Variants in MEGF8 observed in about 807,000 individuals in gnomAD.
MEGF8 encodes the protein multiple epidermal growth factor-like domains protein 8.
Under a neutral mutation model 302.9 loss-of-function variants are expected in MEGF8, and 156 were observed. The ratio of observed to expected loss-of-function variants is 0.52; its 90% CI spans 0.45 to 0.59. The LOEUF (loss-of-function observed/expected upper bound fraction) is 0.59. MEGF8 is among the 20% of genes least tolerant of loss of function. The probability of loss-of-function intolerance (pLI) is 0.00; values close to 1 mark genes in which losing one functional copy is unlikely to be tolerated. For missense variants in MEGF8, 3,345 were observed against 3,964.5 expected, an observed-to-expected ratio of 0.84 and a Z score of 4.20; for synonymous variants, 1,621 against 1,660.5, an observed-to-expected ratio of 0.98 and a Z score of 0.58.
chr19:42,376,193 C>T lies in MEGF8; in HGVS notation c.7956C>T (p.Phe2652=), dbSNP rs1267509321. The T allele has an allele frequency of 6.2e-7, 1 of 1,607,218 alleles. No homozygotes were observed. Among genetic ancestry groups the T allele is most frequent in the Non-Finnish European group, 8.5e-7 (1 of 1,177,056 alleles). The change falls in exon 42 of 42, where the codon TTC becomes TTT. Residue 2652 remains phenylalanine, a synonymous_variant. Transcript: ENST00000251268. The surrounding 1 kb of genome is among the most constrained non-coding windows in gnomAD (Gnocchi z 8.2). ...CCCACATTGACCTGTTTGTCTTCTTCTCCGTCTTCTTCTCCTGCTTCTTCC... is the reference window on the plus strand; with the variant it reads ...CCCACATTGACCTGTTTGTCTTCTTTTCCGTCTTCTTCTCCTGCTTCTTCC... ...DQAHIDLFVF[F]SVFFSCFFLF...
chr19:42,326,357 G>A lies in MEGF8; in HGVS notation c.114G>A (p.Arg38=). 4.4e-6 allele frequency: 7 copies of A among 1,587,296 alleles called. No homozygotes were observed. The highest frequency in any genetic ancestry group is 6.0e-6 in the Non-Finnish European group (7 of 1,169,942). Residue 38 remains arginine, a synonymous_variant, in exon 1 of 42, where the codon CGG becomes CGA. Coordinates refer to ENST00000251268, the MANE Select transcript of MEGF8 (RefSeq NM_001271938.2). The part of the protein sequence containing the change: ...GDCKGQRQVL[R]EAPGFVTDGA... ...GCAAGGGGCAGCGGCAGGTGCTGCG[G>A]GAGGCGCCAGGCTTCGTGACGGATG...
rs759524232 is a variant in MEGF8 at position 42,362,394 on chromosome 19, C to T, written c.5855C>T (p.Pro1952Leu). ...LQPGDGEAST[P>L]RCKWCTNCPE... ...GTCTTCCCTCACCAGGCGTCCACCC[C>T]CCGCTGTAAGTGGTGTACCAACTGC... The change falls in exon 34 of 42, where the codon CCC becomes CTC. Residue 1952 changes from proline to leucine, a missense_variant. Pro to Leu is a moderately conservative substitution (Grantham distance 98). Coordinates refer to ENST00000251268, the MANE Select transcript of MEGF8 (RefSeq NM_001271938.2). The T allele has an allele frequency of 2.5e-6, 4 of 1,613,904 alleles. No individual in the cohort carries two copies. Among genetic ancestry groups the T allele is most frequent in the South Asian group, 2.2e-5 (2 of 91,078 alleles).
Position 42,356,059 on chromosome 19 carries a change from C to A in MEGF8, c.4393-24C>A. 1 of 1,593,198 alleles carries A rather than the reference C, an allele frequency of 6.3e-7. No individual in the cohort carries two copies. ...GGACAGGGCTGGTGATCAGGGCTCC[C>A]CTGAGTCCCTTGTCATCCCCCAGAG... On this transcript the variant is annotated intron_variant, in intron 24 of 41. Coordinates refer to ENST00000251268, the MANE Select transcript of MEGF8 (RefSeq NM_001271938.2). This position sits in a 1 kb window ranked among gnomAD's most constrained non-coding sequence, Gnocchi z 5.2.
rs762140115 is a variant in MEGF8, at chr19:42,344,400, C to G, written c.1789-41C>G. Reference sequence around the variant, plus strand: ...GCCCTTCCTTCCCAGATCTCTTGAGCTCCAGTTGACAGTGAGCCCTTTCCC... The same window carrying G: ...GCCCTTCCTTCCCAGATCTCTTGAGGTCCAGTTGACAGTGAGCCCTTTCCC... On this transcript the variant is annotated intron_variant, in intron 10 of 41. Transcript: ENST00000251268. This position sits in a 1 kb window ranked among gnomAD's most constrained non-coding sequence, Gnocchi z 4.5. 1 of 1,538,494 alleles carries G rather than the reference C, an allele frequency of 6.5e-7. No homozygotes were observed. The highest frequency in any genetic ancestry group is 1.2e-5 in the South Asian group (1 of 83,144).
At chr19:42,331,092 T>C (rs1434165890) in intron 1 of MEGF8, among the ~76,000 whole-genome samples, 1 of 152,144 alleles carries the variant, frequency 6.6e-6, no homozygotes, top group East Asian at 1.9e-4. Flanking sequence ...TCAGTGGTTC[T>C]GGTGAGACAG....
rs1304383396 is a variant in MEGF8, at chr19:42,357,115, T to A, written c.4830+134T>A. 3.9e-6 allele frequency: 4 copies of A among 1,015,804 alleles called. No individual in the cohort carries two copies. In the East Asian group the frequency reaches 7.8e-5, roughly 20 times the overall value. The allele number at this position is 1,015,804 out of a possible 1,614,324, so 62.9% of individuals were successfully genotyped here. On this transcript the variant is annotated intron_variant, in intron 27 of 41. Transcript: ENST00000251268. This position sits in a 1 kb window ranked among gnomAD's most constrained non-coding sequence, Gnocchi z 5.2. The stretch of plus-strand genomic sequence containing the variant: ...CTTGAATTTCCTCGGCCATCCTGGG[T>A]CACACTGTTGTCCTGAGCCAGTCCT...
Position 42,358,173 on chromosome 19 carries a change from G to T in MEGF8, c.5041G>T (p.Glu1681Ter). The T allele has an allele frequency of 6.3e-7, 1 of 1,597,954 alleles. No individual in the cohort carries two copies. The highest frequency in any genetic ancestry group is 8.5e-7 in the Non-Finnish European group (1 of 1,173,106). ...CTATGGTCACTCTGCTGTCTACCAC[G>T]AGGCCACCGACTCCCTCTACGTGTT... ...GLYGHSAVYH[E>*]ATDSLYVFGG... is the part of the protein sequence containing the mutation. Residue 1681 changes from glutamate to a stop codon, truncating the protein, a stop_gained, in exon 29 of 42, where the codon GAG (glutamate) becomes TAG (stop). Transcript: ENST00000251268. LOFTEE classifies it high-confidence loss of function. The surrounding 1 kb of genome is among the most constrained non-coding windows in gnomAD (Gnocchi z 4.4).
At position 42,352,945 on chromosome 19, in the gene MEGF8, G is replaced by T. The variant is rs750565790; in HGVS notation, c.3368G>T (p.Gly1123Val). ...CCCCTCAGGTGCTTGGAGGACTGTG[G>T]CCATGGTGTGTGCAGTGGCCCCCCG... is the stretch of plus-strand genomic sequence containing the variant. ...HCNRTCLEDC[G>V]HGVCSGPPDF... Residue 1123 changes from glycine (G) to valine (V), a missense_variant, in exon 20 of 42, where the codon GGC becomes GTC. By Grantham distance (109) the Gly-to-Val change is moderately radical (BLOSUM62 -3). Coordinates refer to ENST00000251268, the MANE Select transcript of MEGF8 (RefSeq NM_001271938.2). This position sits in a 1 kb window ranked among gnomAD's most constrained non-coding sequence, Gnocchi z 4.4. The T allele has an allele frequency of 6.3e-7, 1 of 1,599,830 alleles. No individual in the cohort carries two copies. Among genetic ancestry groups the T allele is most frequent in the Non-Finnish European group, 8.5e-7 (1 of 1,174,022 alleles).
chr19:42,372,463 G>A (rs906275111), intron 41 of MEGF8, among the ~76,000 whole-genome samples: 12 of 151,914 alleles, frequency 7.9e-5, no homozygotes, highest in African/African-American at 2.7e-4. Context: ...GACAACTCCC[G>A]CCACCTCCCC....
intron 9 of MEGF8, 37 bp from the exon 10 acceptor site, chr19:42,343,917 C>T: frequency 6.2e-7 from 1 of 1,602,724 alleles, no homozygotes; most frequent in African/African-American, 1.3e-5. Context: ...CTCCTCCGTC[C>T]CCTTGCCTCC....
In MEGF8 at chr19:42,358,264, C is replaced by T. The variant is rs773945286; in HGVS notation, c.5132C>T (p.Pro1711Leu). ...CCCGAGCTCTACTCCCTGCACTGTC[C>T]TGACCGCACCTGGAGTCTGCTGGCC... ...PSPELYSLHC[P>L]DRTWSLLAPS... Residue 1711 changes from proline (P) to leucine (L), a missense_variant, in exon 29 of 42, where the codon CCT becomes CTT. By Grantham distance (98) the Pro-to-Leu change is moderately conservative (BLOSUM62 -3). Transcript: ENST00000251268. The surrounding 1 kb of genome is among the most constrained non-coding windows in gnomAD (Gnocchi z 4.4). 3 of 1,605,398 alleles carry T rather than the reference C, an allele frequency of 1.9e-6. No individual in the cohort carries two copies. The highest frequency in any genetic ancestry group is 2.7e-5 in the African/African-American group (2 of 74,744).
intron 39 of MEGF8, 149 bp from the exon 40 acceptor site, chr19:42,370,552 C>T: frequency 1.1e-6 from 1 of 945,686 alleles, no homozygotes. Context: ...GGAGCTGGGG[C>T]CTGGACTCCT....
chr19:42,350,046 T>C (rs1211026533), intron 14 of MEGF8, 102 bp from the exon 15 acceptor site: 5 of 919,926 alleles, frequency 5.4e-6, no homozygotes, highest in Non-Finnish European at 8.4e-6. Context: ...CCTATGTGCC[T>C]GAGTTCTCAA....
Position 42,336,850 on chromosome 19 carries a change from C to A in MEGF8, c.1288C>A (p.Arg430=), listed in dbSNP as rs765321277. The A allele has an allele frequency of 6.3e-5, 101 of 1,608,886 alleles. No homozygotes were observed. The highest frequency in any genetic ancestry group is 8.5e-5 in the Non-Finnish European group (100 of 1,177,596). ...VNSTELFHVD[R]HVWTTLKGRD... The stretch of plus-strand genomic sequence containing the variant: ...CTCCACTGAGCTTTTCCACGTGGAT[C>A]GGCATGTGTGGACGACGCTGAAGGG... The change falls in exon 7 of 42, where the codon CGG becomes AGG. Residue 430 remains arginine (R), a synonymous_variant. Transcript: ENST00000251268. The surrounding 1 kb of genome is among the most constrained non-coding windows in gnomAD (Gnocchi z 4.8).
intron 5 of MEGF8, 56 bp from the exon 6 acceptor site, chr19:42,335,875 C>T: frequency 4.9e-6 from 7 of 1,418,938 alleles, no homozygotes; most frequent in Non-Finnish European, 6.5e-6. Flanking sequence ...CTGTCTAAGC[C>T]TGGCTCTGGC....
chr19:42,345,798 T>C (rs1047198031), intron 12 of MEGF8, among the ~76,000 whole-genome samples: 3 of 152,398 alleles, frequency 2.0e-5, no homozygotes, highest in African/African-American at 4.8e-5. Context: ...TCAATTCTTG[T>C]GGCTGTATAC....
Position 42,335,021 on chromosome 19 carries a change from C to G in MEGF8, c.559-14C>G. On this transcript the variant is annotated splice_polypyrimidine_tract_variant and intron_variant, in intron 3 of 41. Coordinates refer to ENST00000251268, the MANE Select transcript of MEGF8 (RefSeq NM_001271938.2). ...CCCTCTCTTATCTCTGCCTTTATGT[C>G]TCCTTTCCCGCAGCCCCTGGGACCA... is the stretch of plus-strand genomic sequence containing the variant. The G allele has an allele frequency of 1.9e-6, 3 of 1,598,000 alleles. No homozygotes were observed. The highest frequency in any genetic ancestry group is 8.5e-7 in the Non-Finnish European group (1 of 1,172,716).
chr19:42,367,933 T>G (rs1366844993), intron 35 of MEGF8, among the ~76,000 whole-genome samples: 1 of 152,132 alleles, frequency 6.6e-6, no homozygotes, highest in African/African-American at 2.4e-5. Flanking sequence ...GTTTATTTTC[T>G]TTTTTTGAGA....
chr19:42,351,235 A>G lies in MEGF8; in HGVS notation c.2756A>G (p.His919Arg), dbSNP rs2039366716. Reference sequence around the variant, plus strand: ...CCCCAGGACCCCTTCTGTGAGTGGCATCAGAGCACCAGCCGCAAAGGGGAC... The same window carrying G: ...CCCCAGGACCCCTTCTGTGAGTGGCGTCAGAGCACCAGCCGCAAAGGGGAC... Reference protein sequence around the residue: ...ACTQDPFCEWHQSTSRKGDAA... With the variant: ...ACTQDPFCEWRQSTSRKGDAA... The change falls in exon 16 of 42, where the codon CAT (histidine) becomes CGT (arginine). Residue 919 changes from histidine (H) to arginine (R), a missense_variant. His to Arg is a conservative substitution (Grantham distance 29, BLOSUM62 0). Coordinates refer to ENST00000251268, the MANE Select transcript of MEGF8 (RefSeq NM_001271938.2). The surrounding 1 kb of genome is among the most constrained non-coding windows in gnomAD (Gnocchi z 5.6). The G allele has an allele frequency of 1.3e-6, 2 of 1,563,866 alleles. No homozygotes were observed. The highest frequency in any genetic ancestry group is 1.9e-5 in the Admixed American group (1 of 52,180).
Sources: gnomAD v4.1 joint callset for allele counts (sites outside exome capture counted in the v4.1 genomes callset) on GRCh38, gnomAD v4.1.1 for gene constraint, Gnocchi (gnomAD v3.1) non-coding constraint, MANE v1.5 for transcripts, NCBI Gene and HGNC (gene_info 2026-07-23, HGNC 2026-07-21) for gene names.